TSHZ2: variants seen among roughly 807,000 people sequenced by gnomAD.
TSHZ2 encodes the protein teashirt homolog 2.
A neutral mutation model predicts 74.4 loss-of-function variants in TSHZ2; 21 were observed. The observed-to-expected ratio is 0.28, with a 90% CI of 0.20 to 0.41. The LOEUF (loss-of-function observed/expected upper bound fraction) is 0.41. Among genes scored for constraint, TSHZ2 ranks in the 10% least tolerant of loss-of-function variants. TSHZ2 has a pLI of 1.00. For synonymous variants in TSHZ2, 540 were observed against 515.3 expected (o/e 1.05, Z -0.65); for missense variants, 1,244 against 1,293.5 (o/e 0.96, Z 0.59).
chr20:52,984,328 GGGTCT>G (rs1234716612), intron 1 of TSHZ2, among the ~76,000 whole-genome samples: 1 of 152,148 alleles, frequency 6.6e-6, no homozygotes, highest in African/African-American at 2.4e-5. Context: ...CCATGTGTCA[GGGTCT>G]GGTGTTTGCA....
rs564030884 is a variant in TSHZ2, at chr20:53,093,062, T to C, written c.40+119729T>C. ...GAGATGCATTTGACTCTTAGAAATA[T>C]ACAGACCTGAGCCACATCCTGGCTC... On this transcript the variant is annotated intron_variant, in intron 1 of 2. Transcript: ENST00000371497. Among the ~76,000 whole-genome samples, 4 of 152,338 alleles carry C rather than the reference T, an allele frequency of 2.6e-5. 2 individuals carry two copies. The highest frequency in any genetic ancestry group is 9.6e-5 in the African/African-American group (4 of 41,570).
intron 2 of TSHZ2, chr20:53,455,576 A>C (rs1234457113): frequency 6.6e-6 from 1 of 151,938 alleles, no homozygotes; most frequent in African/African-American, 2.4e-5. Flanking sequence ...TTTTATTATT[A>C]TTATACTTTA....
At chr20:53,357,855 T>C (rs1025829841) in intron 2 of TSHZ2, among the ~76,000 whole-genome samples, 1 of 152,222 alleles carries the variant, frequency 6.6e-6, no homozygotes, top group African/African-American at 2.4e-5. Flanking sequence ...CAAGGAGACC[T>C]TCTGACTCTG....
chr20:53,383,170 G>A (rs1434446785), intron 2 of TSHZ2, among the ~76,000 whole-genome samples: 1 of 151,976 alleles, frequency 6.6e-6, no homozygotes, highest in African/African-American at 2.4e-5. Flanking sequence ...GGCTGAGGTA[G>A]GAGAATTGCC....
At chr20:53,356,683 T>C (rs1236894237) in intron 2 of TSHZ2, among the ~76,000 whole-genome samples, 1 of 152,122 alleles carries the variant, frequency 6.6e-6, no homozygotes, top group East Asian at 1.9e-4. Context: ...ATGTCCATTT[T>C]GGGACAGAAC....
At chr20:52,979,378 G>T (rs925851763) in intron 1 of TSHZ2, among the ~76,000 whole-genome samples, 1 of 152,130 alleles carries the variant, frequency 6.6e-6, no homozygotes, top group African/African-American at 2.4e-5. Context: ...AAGCACCTCT[G>T]CAAACACATA....
intron 2 of TSHZ2, among the ~76,000 whole-genome samples, chr20:53,481,876 G>T (rs1443162484): frequency 6.6e-6 from 1 of 152,056 alleles, no homozygotes; most frequent in Non-Finnish European, 1.5e-5. Context: ...GGCCGAGGTG[G>T]GTGGATCTCC....
At chr20:53,304,743 T>A (rs1330465410) in intron 2 of TSHZ2, among the ~76,000 whole-genome samples, 1 of 152,154 alleles carries the variant, frequency 6.6e-6, no homozygotes, top group Admixed American at 6.5e-5. Context: ...GTGATTCTCC[T>A]GCCTCAGCCT....
chr20:53,169,944 A>G (rs1988156397), intron 1 of TSHZ2, among the ~76,000 whole-genome samples: 1 of 152,200 alleles, frequency 6.6e-6, no homozygotes, highest in Admixed American at 6.5e-5. Context: ...GTATGTGTGT[A>G]TAAGTGTGTA....
chr20:53,287,965 A>G (rs920213207), intron 2 of TSHZ2, among the ~76,000 whole-genome samples: 3 of 152,214 alleles, frequency 2.0e-5, no homozygotes, highest in African/African-American at 7.2e-5. Context: ...TTTAATCCTC[A>G]AGCTAATTTC....
At chr20:53,080,711 C>T (rs901714695) in intron 1 of TSHZ2, among the ~76,000 whole-genome samples, 8 of 152,172 alleles carry the variant, frequency 5.3e-5, no homozygotes, top group African/African-American at 1.2e-4. Flanking sequence ...AATGTTCGCT[C>T]GCCCACCGCT....
At chr20:53,401,511 A>G (rs950343647) in intron 2 of TSHZ2, among the ~76,000 whole-genome samples, 1 of 151,964 alleles carries the variant, frequency 6.6e-6, no homozygotes, top group African/African-American at 2.4e-5. Context: ...AGTGTACACT[A>G]TACACAATGT....
rs772219519 is a variant in TSHZ2 at position 53,254,426 on chromosome 20, G to A, written c.968G>A (p.Arg323His). The change falls in exon 2 of 3, where the codon CGC (arginine) becomes CAC (histidine). Residue 323 changes from arginine to histidine, a missense_variant. Coordinates refer to ENST00000371497, the MANE Select transcript of TSHZ2 (RefSeq NM_173485.6). ...AAAATGGTCACCCCGGCTAAGAAAC[G>A]CGTTTTTGATGTCAATCGGCCGTGT... ...SSKMVTPAKK[R>H]VFDVNRPCSP... 32 of 1,613,100 alleles carry A rather than the reference G, an allele frequency of 2.0e-5. No individual in the cohort carries two copies. The highest frequency in any genetic ancestry group is 2.5e-5 in the Non-Finnish European group (30 of 1,179,274).
Position 53,029,430 on chromosome 20 carries a change from C to G in TSHZ2, c.40+56097C>G, listed in dbSNP as rs146073912. Among the ~76,000 whole-genome samples, 4 of 152,294 alleles carry G rather than the reference C, an allele frequency of 2.6e-5. No individual in the cohort carries two copies. The East Asian group carries it at 7.7e-4, about 29-fold the overall frequency. On this transcript the variant is annotated intron_variant, in intron 1 of 2. Coordinates refer to ENST00000371497, the MANE Select transcript of TSHZ2 (RefSeq NM_173485.6). ...GTGGCTCACACCTGTAATCCTAGCACTTTGGGAGGCTGAGGCGGGCAGATT... is the reference window on the plus strand; with the variant it reads ...GTGGCTCACACCTGTAATCCTAGCAGTTTGGGAGGCTGAGGCGGGCAGATT...
At position 53,254,862 on chromosome 20, in the gene TSHZ2, G is replaced by A. The variant is rs199739228; in HGVS notation, c.1404G>A (p.Arg468=). 3 of 1,614,132 alleles carry A rather than the reference G, an allele frequency of 1.9e-6. No individual in the cohort carries two copies. The East Asian group carries it at 6.7e-5, about 36-fold the overall frequency. The change falls in exon 2 of 3, where the codon AGG becomes AGA. Residue 468 remains arginine, a synonymous_variant. Coordinates refer to ENST00000371497, the MANE Select transcript of TSHZ2 (RefSeq NM_173485.6). The stretch of plus-strand genomic sequence containing the variant: ...TAAAGAAAGAGAGTAAAAAAGAAAG[G>A]CCAGAGGAAACCAGCAAGGATGAGA... The part of the protein sequence containing the change: ...TELKKESKKE[R]PEETSKDEKV...
chr20:53,307,600 T>C (rs548768163), intron 2 of TSHZ2, among the ~76,000 whole-genome samples: 39 of 152,292 alleles, frequency 2.6e-4, no homozygotes, highest in African/African-American at 7.0e-4. Flanking sequence ...TCTGTAAGAG[T>C]GGGCCTGGAT....
chr20:53,017,405 C>T (rs1185430772), intron 1 of TSHZ2, among the ~76,000 whole-genome samples: 1 of 152,142 alleles, frequency 6.6e-6, no homozygotes, highest in Non-Finnish European at 1.5e-5. Flanking sequence ...TCTGGTGTTT[C>T]ACAACATGAT....
intron 2 of TSHZ2, among the ~76,000 whole-genome samples, chr20:53,330,378 T>A (rs946771779): frequency 2.6e-5 from 4 of 152,212 alleles, no homozygotes; most frequent in Non-Finnish European, 5.9e-5. Context: ...GTAGGCTTTT[T>A]AAACATAAAA....
chr20:53,124,055 T>C (rs533728292), intron 1 of TSHZ2, among the ~76,000 whole-genome samples: 1 of 152,216 alleles, frequency 6.6e-6, no homozygotes, highest in Non-Finnish European at 1.5e-5. Flanking sequence ...CTTAATTTTC[T>C]CTTTTCCTCT....
Sources: allele counts gnomAD v4.1 joint callset (sites outside exome capture counted in the v4.1 genomes callset), GRCh38; gene constraint gnomAD v4.1.1; transcripts MANE v1.5; gene names NCBI Gene and HGNC (gene_info 2026-07-23, HGNC 2026-07-21).